PPP1R12A: variants seen among roughly 807,000 people sequenced by gnomAD.
The protein encoded by PPP1R12A is myosin binding subunit.
In PPP1R12A, 19 loss-of-function variants were observed where a neutral mutation model predicts 139.6. That is an observed-to-expected ratio of 0.14 (90% confidence interval 0.09 to 0.20). The LOEUF (loss-of-function observed/expected upper bound fraction) is 0.20, where lower values mean the gene tolerates loss of function less well. PPP1R12A is among the 10% of genes least tolerant of loss of function. PPP1R12A has a pLI of 1.00. For missense variants in PPP1R12A, 925 were observed against 1,211.5 expected (o/e 0.76, Z 3.51); for synonymous variants, 427 against 420.6 (o/e 1.02, Z -0.19).
At chr12:79,896,013 T>TA (rs1292652049) in intron 1 of PPP1R12A, among the ~76,000 whole-genome samples, 1 of 133,080 alleles carries the variant, frequency 7.5e-6, no homozygotes, top group African/African-American at 2.6e-5. Context: ...TTTTTTTTTT[T>TA]AAAAGAGGAG....
At chr12:79,934,120 T>A (rs192340436) in intron 1 of PPP1R12A, among the ~76,000 whole-genome samples, 84 of 152,232 alleles carry the variant, frequency 5.5e-4, no homozygotes, top group Non-Finnish European at 1.3e-4. Flanking sequence ...CCCTCCCCAG[T>A]GACCAAGAGT....
intron 1 of PPP1R12A, among the ~76,000 whole-genome samples, chr12:79,915,407 T>G (rs1407654681): frequency 6.6e-6 from 1 of 152,144 alleles, no homozygotes; most frequent in Non-Finnish European, 1.5e-5. Flanking sequence ...TCTAAAAACC[T>G]AGACACATTC....
intron 3 of PPP1R12A, among the ~76,000 whole-genome samples, chr12:79,837,659 A>G (rs1037412503): frequency 6.6e-6 from 1 of 152,206 alleles, no homozygotes; most frequent in Non-Finnish European, 1.5e-5. Flanking sequence ...GATTACCCCC[A>G]TGCTACTGTT....
intron 5 of PPP1R12A, 146 bp downstream of exon 5, chr12:79,828,174 T>C (rs933200374): frequency 9.0e-6 from 6 of 668,708 alleles, no homozygotes; most frequent in African/African-American, 1.9e-5. Context: ...AGTAAGTCAG[T>C]TGGCTGAAAA....
chr12:79,898,588 C>T (rs1357264516), intron 1 of PPP1R12A, among the ~76,000 whole-genome samples: 1 of 152,232 alleles, frequency 6.6e-6, no homozygotes, highest in East Asian at 1.9e-4. Flanking sequence ...CTTCCTTCCC[C>T]TTTGCTGCAA....
chr12:79,872,269 A>G (rs1882655891), intron 2 of PPP1R12A, among the ~76,000 whole-genome samples: 1 of 152,172 alleles, frequency 6.6e-6, no homozygotes, highest in Non-Finnish European at 1.5e-5. Flanking sequence ...TCCACTGTTA[A>G]ATGCTTTAAA....
At chr12:79,813,777 TTAAAG>T (rs1874900625) in intron 9 of PPP1R12A, among the ~76,000 whole-genome samples, 1 of 152,226 alleles carries the variant, frequency 6.6e-6, no homozygotes, top group South Asian at 2.1e-4. Flanking sequence ...GGTTAAGGAA[TTAAAG>T]TAAACACATC....
intron 14 of PPP1R12A, among the ~76,000 whole-genome samples, chr12:79,800,673 T>C (rs896506781): frequency 6.6e-6 from 1 of 152,026 alleles, no homozygotes; most frequent in African/African-American, 2.4e-5. Flanking sequence ...GTTTACTCCA[T>C]GTATCTCCCT....
chr12:79,859,635 T>C (rs920225472), intron 2 of PPP1R12A, among the ~76,000 whole-genome samples: 1 of 152,202 alleles, frequency 6.6e-6, no homozygotes, highest in Non-Finnish European at 1.5e-5. Context: ...CCAGGCCTCA[T>C]GGTTGATTCC....
chr12:79,921,586 C>T (rs1887443926), intron 1 of PPP1R12A, among the ~76,000 whole-genome samples: 1 of 152,172 alleles, frequency 6.6e-6, no homozygotes, highest in Non-Finnish European at 1.5e-5. Context: ...TATCTCTACT[C>T]TACCACTTAT....
intron 1 of PPP1R12A, among the ~76,000 whole-genome samples, chr12:79,933,143 A>G (rs192871724): frequency 6.6e-6 from 1 of 152,340 alleles, no homozygotes; most frequent in Admixed American, 6.5e-5. Flanking sequence ...AAAGTTTGCT[A>G]TGCATTAGAG....
At chr12:79,875,550 G>T (rs1175862695) in intron 1 of PPP1R12A, among the ~76,000 whole-genome samples, 1 of 152,126 alleles carries the variant, frequency 6.6e-6, no homozygotes, top group Non-Finnish European at 1.5e-5. Context: ...AGGAGTATGT[G>T]GGCTGATGAC....
chr12:79,867,329 G>GT (rs1882082141), intron 2 of PPP1R12A, among the ~76,000 whole-genome samples: 1 of 152,068 alleles, frequency 6.6e-6, no homozygotes, highest in African/African-American at 2.4e-5. Context: ...GGGGTGGGGG[G>GT]TCAGGGGAAG....
At chr12:79,841,456 G>T (rs1450417345) in intron 3 of PPP1R12A, among the ~76,000 whole-genome samples, 1 of 152,134 alleles carries the variant, frequency 6.6e-6, no homozygotes, top group African/African-American at 2.4e-5. Flanking sequence ...CCTTAAGAAG[G>T]ATTGTCTTGC....
chr12:79,782,909 T>C (rs1344847446), intron 22 of PPP1R12A, among the ~76,000 whole-genome samples: 1 of 152,212 alleles, frequency 6.6e-6, no homozygotes, highest in East Asian at 1.9e-4. Context: ...AAATATTTCT[T>C]TACATAATTT....
At chr12:79,800,749 T>G (rs1338362435) in intron 14 of PPP1R12A, among the ~76,000 whole-genome samples, 1 of 151,448 alleles carries the variant, frequency 6.6e-6, no homozygotes, top group Non-Finnish European at 1.5e-5. Flanking sequence ...TTTTTTTTTT[T>G]TTGAAACGGA....
At chr12:79,780,066 T>C (rs1393345545) in intron 23 of PPP1R12A, 1 of 152,270 alleles carries the variant, frequency 6.6e-6, no homozygotes, top group Non-Finnish European at 1.5e-5. Context: ...TAGTTGGGTG[T>C]GGAGACATGC....
At chr12:79,819,243 C>A (rs1413644832) in intron 8 of PPP1R12A, 1 of 152,172 alleles carries the variant, frequency 6.6e-6, no homozygotes, top group Non-Finnish European at 1.5e-5. Flanking sequence ...GTTTTAAGAA[C>A]CATCCAGGTC....
At chr12:79,790,387 T>A in intron 20 of PPP1R12A, 80 bp downstream of exon 20, 2 of 1,004,894 alleles carry the variant, frequency 2.0e-6, no homozygotes, top group Non-Finnish European at 2.8e-6. Flanking sequence ...ACTTACAAAA[T>A]CCATAAATTC....
Sources: allele counts gnomAD v4.1 joint callset (sites outside exome capture counted in the v4.1 genomes callset), GRCh38; gene constraint gnomAD v4.1.1; transcripts MANE v1.5; gene names NCBI Gene and HGNC (gene_info 2026-07-23, HGNC 2026-07-21).